Variants in POLG2 observed in about 807,000 individuals in gnomAD.
POLG2 encodes DNA polymerase subunit gamma-2.
A neutral mutation model predicts 56.5 loss-of-function variants in POLG2; 50 were observed. That is an observed-to-expected ratio of 0.88 (90% CI 0.71 to 1.12). POLG2 has a LOEUF of 1.12. Ranked by LOEUF, POLG2 falls within the 50% of genes most tolerant of loss-of-function variation. POLG2 has a pLI of 0.00. For missense variants in POLG2, 584 were observed against 583.3 expected (o/e 1.00, Z -0.01); for synonymous variants, 226 against 222.6 (o/e 1.02, Z -0.14).
At position 64,496,965 on chromosome 17, in the gene POLG2, G is replaced by T. The variant is rs140885161; in HGVS notation, c.4C>A (p.Arg2Ser). Reference protein sequence around the residue: MRSRVAVRACHK... With the variant: MSSRVAVRACHK... ...CAGGCCCTGACGGCTACACGAGAGC[G>T]CATCTCTCTCCGAAGTTAAAGAGCA... The change falls in exon 1 of 8, where the codon CGC becomes AGC. Residue 2 changes from arginine to serine, a missense_variant. By Grantham distance (110) the Arg-to-Ser change is moderately radical. Coordinates refer to ENST00000539111, the MANE Select transcript of POLG2 (RefSeq NM_007215.4). The T allele has an allele frequency of 1.2e-6, 2 of 1,604,576 alleles. No individual in the cohort carries two copies. Among genetic ancestry groups the T allele is most frequent in the Non-Finnish European group, 1.7e-6 (2 of 1,179,668 alleles).
chr17:64,494,838 C>G (rs932797207), intron 1 of POLG2, among the ~76,000 whole-genome samples: 4 of 152,124 alleles, frequency 2.6e-5, no homozygotes, highest in Non-Finnish European at 5.9e-5. Flanking sequence ...AACCCCAGAC[C>G]CGGAATCAGC....
intron 6 of POLG2, among the ~76,000 whole-genome samples, chr17:64,481,818 T>C (rs1555666520): frequency 3.3e-5 from 5 of 151,894 alleles, no homozygotes; most frequent in African/African-American, 9.7e-5. Context: ...GAGGTTGCAG[T>C]GAGCCGAGAT....
intron 6 of POLG2, among the ~76,000 whole-genome samples, chr17:64,482,296 G>C (rs2037874466): frequency 7.0e-6 from 1 of 142,804 alleles, no homozygotes; most frequent in African/African-American, 2.7e-5. Flanking sequence ...TAGAGACCAG[G>C]TTTTGCCATA....
intron 3 of POLG2, chr17:64,491,538 C>G: frequency 6.5e-7 from 1 of 1,546,498 alleles, no homozygotes; most frequent in Non-Finnish European, 8.9e-7. Context: ...GTCAGTTGTA[C>G]CAGTGAAGGA....
chr17:64,483,680 A>G (rs9905322), intron 5 of POLG2, among the ~76,000 whole-genome samples: 3,806 of 149,412 alleles, frequency 0.025, 168 homozygotes, highest in African/African-American at 0.09. Flanking sequence ...CTCTTTTTAT[A>G]TATATTTTTT....
chr17:64,496,298 A>T, intron 1 of POLG2, 109 bp downstream of exon 1: 2 of 722,214 alleles, frequency 2.8e-6, no homozygotes, highest in Non-Finnish European at 4.8e-6. Context: ...AGAACTAACT[A>T]ACTTCCTTGC....
rs782019011 is a variant in POLG2, at chr17:64,496,992, ACT to A, written c.-26_-25del. 2 of 1,591,814 alleles carry A rather than the reference ACT, an allele frequency of 1.3e-6. No individual in the cohort carries two copies. Among genetic ancestry groups the A allele is most frequent in the Non-Finnish European group, 1.7e-6 (2 of 1,171,640 alleles). On this transcript the variant is annotated 5_prime_UTR_variant, in exon 1 of 8. The change abolishes the stop of an existing upstream ORF in the 5' untranslated region. Coordinates refer to ENST00000539111, the MANE Select transcript of POLG2 (RefSeq NM_007215.4). ...ATCTCTCTCCGAAGTTAAAGAGCAC[ACT>A]CTCCCATCACTCAACGGATCCCAAC...
chr17:64,496,987 A>C lies in POLG2; in HGVS notation c.-19T>G. ...AGCGCATCTCTCTCCGAAGTTAAAG[A>C]GCACACTCTCCCATCACTCAACGGA... On this transcript the variant is annotated 5_prime_UTR_variant, in exon 1 of 8. Coordinates refer to ENST00000539111, the MANE Select transcript of POLG2 (RefSeq NM_007215.4). The C allele has an allele frequency of 6.3e-7, 1 of 1,596,640 alleles. No homozygotes were observed. Among genetic ancestry groups the C allele is most frequent in the Non-Finnish European group, 8.5e-7 (1 of 1,175,162 alleles).
Position 64,496,407 on chromosome 17 carries a change from C to G in POLG2, c.562G>C (p.Gly188Arg), listed in dbSNP as rs1339478122. 1.9e-5 allele frequency: 30 copies of G among 1,563,708 alleles called. No homozygotes were observed. Among genetic ancestry groups the G allele is most frequent in the Non-Finnish European group, 2.6e-5 (30 of 1,145,484 alleles). ...TGAAGCATGAAATCGTGAAGCATAC[C>G]GTGAAGAAGGTTCTCCCGTAGTTTC... ...SGKLRENLLH[G>R]ALEHYVNCLD... Residue 188 changes from glycine (G) to arginine (R), a missense_variant and splice_region_variant, in exon 1 of 8, where the codon GGT becomes CGT. Transcript: ENST00000539111.
chr17:64,477,823 C>A lies in POLG2; in HGVS notation c.1458G>T (p.Ter486TyrextTer6). 4 of 1,572,196 alleles carry A rather than the reference C, an allele frequency of 2.5e-6. No homozygotes were observed. The highest frequency in any genetic ancestry group is 2.3e-5 in the East Asian group (1 of 43,672). ...IKYISSAKNV[*>Y] is the part of the protein sequence containing the mutation. ...ATATTTATTATACAAATATAAAAAT[C>A]TATACATTCTTAGCTGATGATATAT... The change falls in exon 8 of 8, where the codon TAG (stop) becomes TAT (tyrosine). Residue 486 changes from the stop codon to tyrosine, a stop_lost. Coordinates refer to ENST00000539111, the MANE Select transcript of POLG2 (RefSeq NM_007215.4).
intron 6 of POLG2, chr17:64,481,128 C>T: frequency 3.4e-6 from 1 of 297,346 alleles, no homozygotes; most frequent in Non-Finnish European, 5.0e-6. Context: ...GAGAGGCCTG[C>T]AGCACCCTCC....
rs987274923 is a variant in POLG2 at position 64,493,583 on chromosome 17, C to A, written c.563-562G>T. On this transcript the variant is annotated intron_variant, in intron 1 of 7. Transcript: ENST00000539111. ...CATTGCAACCTCCGCCTCCCGGGTT[C>A]ATGCCATTCTCCTGCCTCAGCCTCC... 4.6e-5 allele frequency among the ~76,000 whole-genome samples: 7 copies of A among 152,166 alleles called. No individual in the cohort carries two copies. In the East Asian group the frequency reaches 1.4e-3, roughly 29 times the overall value.
chr17:64,487,252 C>T (rs184989732), intron 4 of POLG2: 7 of 152,318 alleles, frequency 4.6e-5, no homozygotes, highest in African/African-American at 1.7e-4. Flanking sequence ...AGGCAGTAAA[C>T]TTTCTGATAC....
At chr17:64,480,570 C>A (rs1172213498) in intron 6 of POLG2, among the ~76,000 whole-genome samples, 181 bp from the exon 7 acceptor site, 1 of 152,148 alleles carries the variant, frequency 6.6e-6, no homozygotes, top group Non-Finnish European at 1.5e-5. Flanking sequence ...TATACTTCTT[C>A]TGAAAATGAA....
rs1555669528 is a variant in POLG2 at position 64,496,482 on chromosome 17, T to C, written c.487A>G (p.Ser163Gly). 1 of 1,611,582 alleles carries C rather than the reference T, an allele frequency of 6.2e-7. No individual in the cohort carries two copies. Among genetic ancestry groups the C allele is most frequent in the Admixed American group, 1.7e-5 (1 of 59,998 alleles). Residue 163 changes from serine (S) to glycine (G), a missense_variant, in exon 1 of 8, where the codon AGT becomes GGT. By Grantham distance (56) the Ser-to-Gly change is moderately conservative. Coordinates refer to ENST00000539111, the MANE Select transcript of POLG2 (RefSeq NM_007215.4). ...AGAAATGCTACTAGCTGTTCCTTACTCAGCTCTTTGTCTTGCAAGATTTCG... is the reference window on the plus strand; with the variant it reads ...AGAAATGCTACTAGCTGTTCCTTACCCAGCTCTTTGTCTTGCAAGATTTCG... Reference protein sequence around the residue: ...LREILQDKELSKEQLVAFLEN... With the variant: ...LREILQDKELGKEQLVAFLEN...
intron 6 of POLG2, 95 bp downstream of exon 6, chr17:64,482,823 CA>C: frequency 5.3e-6 from 4 of 752,158 alleles, no homozygotes; most frequent in Non-Finnish European, 9.6e-6. Context: ...GCAAATATAC[CA>C]AAAAAATCCG....
At chr17:64,490,732 T>A (rs781810690) in intron 4 of POLG2, 64 bp downstream of exon 4, 1 of 1,310,964 alleles carries the variant, frequency 7.6e-7, no homozygotes, top group Non-Finnish European at 1.1e-6. Flanking sequence ...TATTCTCAAA[T>A]GGTTCGGAAA....
intron 4 of POLG2, among the ~76,000 whole-genome samples, chr17:64,487,783 C>T (rs2037984590): frequency 6.6e-6 from 1 of 152,196 alleles, no homozygotes; most frequent in Non-Finnish European, 1.5e-5. Flanking sequence ...AGGAGGATCA[C>T]TTGAGCCCAG....
At position 64,479,146 on chromosome 17, in the gene POLG2, T is replaced by C. The variant is rs545691147; in HGVS notation, c.1292+1143A>G. The stretch of plus-strand genomic sequence containing the variant: ...ATAAAACCATTAGATGCTCTAATTA[T>C]AGAAAACTACTTTTCTTTGGACATC... On this transcript the variant is annotated intron_variant, in intron 7 of 7. Coordinates refer to ENST00000539111, the MANE Select transcript of POLG2 (RefSeq NM_007215.4). Among the ~76,000 whole-genome samples, 28 of 151,118 alleles carry C rather than the reference T, an allele frequency of 1.9e-4. No individual in the cohort carries two copies. The South Asian group carries it at 5.0e-3, about 27-fold the overall frequency.
Sources: allele counts gnomAD v4.1 joint callset (sites outside exome capture counted in the v4.1 genomes callset), GRCh38; gene constraint gnomAD v4.1.1; transcripts MANE v1.5; gene names NCBI Gene and HGNC (gene_info 2026-07-23, HGNC 2026-07-21).